PPL: variants seen among roughly 807,000 people sequenced by gnomAD.
PPL encodes periplakin.
Under a neutral mutation model 194.4 loss-of-function variants are expected in PPL, and 198 were observed. The observed-to-expected ratio is 1.02, with a 90% CI of 0.91 to 1.15. PPL has a LOEUF of 1.15. PPL is among the 50% of genes most tolerant of loss of function. The pLI, the probability that PPL is intolerant of heterozygous loss-of-function variation, is 0.00. For missense variants in PPL, 2,885 were observed against 2,294.8 expected, an observed-to-expected ratio of 1.26 and a Z score of -5.25; for synonymous variants, 1,220 against 972.4, an observed-to-expected ratio of 1.25 and a Z score of -4.74.
intron 21 of PPL, 112 bp downstream of exon 21, chr16:4,887,023 C>T (rs566055041): frequency 3.3e-6 from 3 of 912,364 alleles, no homozygotes; most frequent in East Asian, 2.4e-5. Flanking sequence ...TGCCCAGAAA[C>T]GTTAGCAAGG....
intron 12 of PPL, among the ~76,000 whole-genome samples, chr16:4,894,055 A>G (rs903893661): frequency 6.6e-6 from 1 of 152,190 alleles, no homozygotes; most frequent in Non-Finnish European, 1.5e-5. Flanking sequence ...CCCAGGCCCA[A>G]TGAGACTGAC....
chr16:4,898,562 G>C (rs1302035511), intron 8 of PPL, among the ~76,000 whole-genome samples: 1 of 152,180 alleles, frequency 6.6e-6, no homozygotes, highest in Non-Finnish European at 1.5e-5. Context: ...TGAAGACGGA[G>C]GAAGGGACTG....
chr16:4,895,743 G>A, intron 9 of PPL, 27 bp from the exon 10 acceptor site: 1 of 1,613,468 alleles, frequency 6.2e-7, no homozygotes, highest in South Asian at 1.1e-5. Flanking sequence ...CTCTGTTACA[G>A]CCAGGAAACC....
rs1221400359 is a variant in PPL, at chr16:4,895,254, C to T, written c.1242+7G>A. The T allele has an allele frequency of 1.9e-6, 3 of 1,597,358 alleles. No individual in the cohort carries two copies. Among genetic ancestry groups the T allele is most frequent in the Non-Finnish European group, 2.6e-6 (3 of 1,171,288 alleles). ...GTGATGTGAACAGAGGAGCTGGCCC[C>T]ACGCACCTGCTCCCCCTCAAAGTCA... On this transcript the variant is annotated splice_region_variant and intron_variant, in intron 11 of 21. Coordinates refer to ENST00000345988, the MANE Select transcript of PPL (RefSeq NM_002705.5).
chr16:4,930,131 C>T (rs1292052521), intron 1 of PPL, among the ~76,000 whole-genome samples: 3 of 152,196 alleles, frequency 2.0e-5, no homozygotes, highest in East Asian at 1.9e-4. Flanking sequence ...CATGCCTTTT[C>T]GGGTCGTGGA....
At chr16:4,895,815 TC>T in intron 9 of PPL, 99 bp from the exon 10 acceptor site, 1 of 1,535,762 alleles carries the variant, frequency 6.5e-7, no homozygotes, top group South Asian at 1.2e-5. Flanking sequence ...GGGCTGGGCC[TC>T]CGGTTCACCT....
Position 4,884,470 on chromosome 16 carries a change from C to T in PPL, c.4185G>A (p.Arg1395=), listed in dbSNP as rs370519486. Residue 1395 remains arginine, a synonymous_variant, in exon 22 of 22, where the codon CGG becomes CGA. Coordinates refer to ENST00000345988, the MANE Select transcript of PPL (RefSeq NM_002705.5). The surrounding 1 kb of genome is among the most constrained non-coding windows in gnomAD (Gnocchi z 5.7). ...CCAGCTGCCGCTCAAGCTCGGTGCGCCGGCGCTGCAGCCGCCGCAGCTCTG... is the reference window on the plus strand; with the variant it reads ...CCAGCTGCCGCTCAAGCTCGGTGCGTCGGCGCTGCAGCCGCCGCAGCTCTG... ...LRAELRRLQR[R]RTELERQLEE... 13 of 1,602,800 alleles carry T rather than the reference C, an allele frequency of 8.1e-6. No homozygotes were observed. The highest frequency in any genetic ancestry group is 1.0e-5 in the Non-Finnish European group (12 of 1,177,522).
chr16:4,887,310 G>A, intron 20 of PPL, 83 bp from the exon 21 acceptor site: 1 of 1,050,066 alleles, frequency 9.5e-7, no homozygotes, highest in Non-Finnish European at 1.5e-6. Context: ...CGTGGACGTG[G>A]TTCTTGAGAA....
At chr16:4,917,228 A>G (rs146990614) in intron 1 of PPL, among the ~76,000 whole-genome samples, 1 of 152,224 alleles carries the variant, frequency 6.6e-6, no homozygotes. Context: ...CATGATTCAT[A>G]ATAGCCTTTT....
chr16:4,887,495 G>T (rs755487785), intron 20 of PPL, among the ~76,000 whole-genome samples: 4 of 152,170 alleles, frequency 2.6e-5, no homozygotes, highest in South Asian at 2.1e-4. Context: ...GTTCTCTCTT[G>T]TGTGTACAGG....
Position 4,883,962 on chromosome 16 carries a change from T to A in PPL, c.4693A>T (p.Asn1565Tyr). 6.2e-7 allele frequency: 1 copy of A among 1,614,068 alleles called. No homozygotes were observed. The highest frequency in any genetic ancestry group is 1.1e-5 in the South Asian group (1 of 91,080). The change falls in exon 22 of 22, where the codon AAC (asparagine) becomes TAC (tyrosine). Residue 1565 changes from asparagine to tyrosine, a missense_variant. Physicochemically the swap from Asn to Tyr is moderately radical, Grantham distance 143. Transcript: ENST00000345988. This position sits in a 1 kb window ranked among gnomAD's most constrained non-coding sequence, Gnocchi z 4.8. ...TGCCTCTCCAGCTGTAATTTGTGGTTCTCTTCCCTCAGAAAGTCTAGTTCC... is the reference window on the plus strand; with the variant it reads ...TGCCTCTCCAGCTGTAATTTGTGGTACTCTTCCCTCAGAAAGTCTAGTTCC... ...SKELDFLREE[N>Y]HKLQLERQNL...
Position 4,886,058 on chromosome 16 carries a change from G to C in PPL, c.2608-11C>G, listed in dbSNP as rs2088215115. On this transcript the variant is annotated splice_polypyrimidine_tract_variant and intron_variant, in intron 21 of 21. Coordinates refer to ENST00000345988, the MANE Select transcript of PPL (RefSeq NM_002705.5). ...TTCTACTTCCGGCTGCTGTGATGGA[G>C]AAGACAAGACAAGGTTAAAGCCAGG... is the stretch of plus-strand genomic sequence containing the variant. The C allele has an allele frequency of 6.2e-7, 1 of 1,613,746 alleles. No individual in the cohort carries two copies. The highest frequency in any genetic ancestry group is 8.5e-7 in the Non-Finnish European group (1 of 1,179,992).
chr16:4,916,914 G>T (rs181585125), intron 1 of PPL, among the ~76,000 whole-genome samples: 26 of 152,252 alleles, frequency 1.7e-4, no homozygotes, highest in Non-Finnish European at 3.2e-4. Flanking sequence ...TGGATCACCT[G>T]AGGTCAGGAG....
intron 1 of PPL, among the ~76,000 whole-genome samples, chr16:4,918,383 A>C (rs1007991871): frequency 6.6e-6 from 1 of 151,598 alleles, no homozygotes; most frequent in Non-Finnish European, 1.5e-5. Flanking sequence ...CTCATTCTCC[A>C]GGGAAGCTGG....
chr16:4,936,161 C>T (rs1345326930), intron 1 of PPL, among the ~76,000 whole-genome samples: 2 of 152,200 alleles, frequency 1.3e-5, no homozygotes, highest in African/African-American at 2.4e-5. Context: ...CATTCCCCTC[C>T]CAGGCCGCCC....
At chr16:4,895,046 G>A (rs2142349909) in intron 11 of PPL, among the ~76,000 whole-genome samples, 1 of 152,328 alleles carries the variant, frequency 6.6e-6, no homozygotes, top group Non-Finnish European at 1.5e-5. Context: ...AGGAGGGACT[G>A]GGGTTGCTAA....
Position 4,895,718 on chromosome 16 carries a change from T to G in PPL, c.973-2A>C, listed in dbSNP as rs981134779. The G allele has an allele frequency of 1.2e-6, 2 of 1,613,708 alleles. No homozygotes were observed. Among genetic ancestry groups the G allele is most frequent in the Non-Finnish European group, 1.7e-6 (2 of 1,180,030 alleles). ...AGCGTCCTTCACGTCTTCGTGAAAC[T>G]AGGGGAGAAGGTGGCTCTGTTACAG... On this transcript the variant is annotated splice_acceptor_variant, in intron 9 of 21. Coordinates refer to ENST00000345988, the MANE Select transcript of PPL (RefSeq NM_002705.5). LOFTEE classifies it high-confidence loss of function.
Position 4,902,591 on chromosome 16 carries a change from C to T in PPL, c.318-65G>A, listed in dbSNP as rs2088598031. ...CACTGCCTGCACCCCAGGAGGGGCC[C>T]CCCACCCAGACCCCGGCCTCAGTGT... On this transcript the variant is annotated intron_variant, in intron 3 of 21. Coordinates refer to ENST00000345988, the MANE Select transcript of PPL (RefSeq NM_002705.5). This position sits in a 1 kb window ranked among gnomAD's most constrained non-coding sequence, Gnocchi z 4.0. 1 of 1,569,570 alleles carries T rather than the reference C, an allele frequency of 6.4e-7. No homozygotes were observed. The highest frequency in any genetic ancestry group is 8.7e-7 in the Non-Finnish European group (1 of 1,155,540).
At chr16:4,918,963 G>A (rs2088982452) in intron 1 of PPL, among the ~76,000 whole-genome samples, 1 of 152,182 alleles carries the variant, frequency 6.6e-6, no homozygotes, top group South Asian at 2.1e-4. Context: ...GGCACCCCTG[G>A]GCCATCAGCC....
Sources: gnomAD v4.1 joint callset for allele counts (sites outside exome capture counted in the v4.1 genomes callset) on GRCh38, gnomAD v4.1.1 for gene constraint, Gnocchi (gnomAD v3.1) non-coding constraint, MANE v1.5 for transcripts, NCBI Gene and HGNC (gene_info 2026-07-23, HGNC 2026-07-21) for gene names.